The following TMEM132D variants were observed in gnomAD, a reference collection of about 807,000 sequenced individuals.
The protein encoded by TMEM132D is mature OL transmembrane protein.
A neutral mutation model predicts 62.3 loss-of-function variants in TMEM132D; 21 were observed. The ratio of observed to expected loss-of-function variants is 0.34; its 90% CI spans 0.24 to 0.49. The LOEUF (loss-of-function observed/expected upper bound fraction) is 0.49. TMEM132D is among the 20% of genes least tolerant of loss of function. The pLI is 0.99. For synonymous variants in TMEM132D, 621 were observed against 575.6 expected (o/e 1.08, Z -1.13); for missense variants, 1,346 against 1,402.8 (o/e 0.96, Z 0.65).
chr12:129,073,318 C>T lies in TMEM132D; in HGVS notation c.*557G>A, dbSNP rs1422743781. On this transcript the variant is annotated 3_prime_UTR_variant, in exon 9 of 9. Transcript: ENST00000422113. ...TTGGCCTGTCCATGATCTGAGACAG[C>T]TCTGGCCCAGCCTTTGAGAGACAAT... is the stretch of plus-strand genomic sequence containing the variant. 2 of 152,770 alleles carry T rather than the reference C, an allele frequency of 1.3e-5. No homozygotes were observed. The highest frequency in any genetic ancestry group is 4.8e-5 in the African/African-American group (2 of 41,454). The allele number at this position is 152,770 out of a possible 1,614,324, so 9.5% of individuals were successfully genotyped here.
intron 5 of TMEM132D, among the ~76,000 whole-genome samples, chr12:129,182,019 A>G (rs371228213): frequency 6.6e-6 from 1 of 152,154 alleles, no homozygotes; most frequent in East Asian, 1.9e-4. Context: ...CAAGGTGGCT[A>G]CAGGCAAGAG....
intron 3 of TMEM132D, among the ~76,000 whole-genome samples, chr12:129,504,117 C>A (rs1453887235): frequency 1.3e-5 from 2 of 152,096 alleles, no homozygotes; most frequent in African/African-American, 4.8e-5. Context: ...CTGTCACCAT[C>A]ACTGCCAACA....
At chr12:129,558,582 C>G (rs1877126138) in intron 2 of TMEM132D, among the ~76,000 whole-genome samples, 1 of 152,148 alleles carries the variant, frequency 6.6e-6, no homozygotes, top group Non-Finnish European at 1.5e-5. Flanking sequence ...GTCTACCTTC[C>G]AAAACCTCAT....
At position 129,578,391 on chromosome 12, in the gene TMEM132D, C is replaced by T. The variant is rs376318770; in HGVS notation, c.969-47186G>A. 1.5e-4 allele frequency among the ~76,000 whole-genome samples: 19 copies of T among 126,810 alleles called. 1 individual carries two copies. Among genetic ancestry groups the T allele is most frequent in the Admixed American group, 8.4e-4 (10 of 11,870 alleles). The allele number at this position is 126,810 out of a possible 152,430, so 83.2% of individuals were successfully genotyped here. On this transcript the variant is annotated intron_variant, in intron 2 of 8. Transcript: ENST00000422113. ...TGATTGGTTCTGTTTTTCTGGAGAA[C>T]GCTGAGTAATACAATTATGTGTGTG... is the stretch of plus-strand genomic sequence containing the variant.
intron 1 of TMEM132D, among the ~76,000 whole-genome samples, chr12:129,816,722 G>T (rs559379119): frequency 6.6e-6 from 1 of 152,116 alleles, no homozygotes; most frequent in Admixed American, 6.5e-5. Context: ...CGTGTGTCAC[G>T]GACTTATTGT....
intron 3 of TMEM132D, among the ~76,000 whole-genome samples, chr12:129,527,710 G>C (rs547625715): frequency 5.3e-5 from 8 of 152,282 alleles, no homozygotes; most frequent in Non-Finnish European, 1.2e-4. Flanking sequence ...GTTAACATAG[G>C]AGTATACTGA....
intron 2 of TMEM132D, among the ~76,000 whole-genome samples, chr12:129,587,867 G>A (rs905301690): frequency 1.3e-5 from 2 of 152,104 alleles, no homozygotes; most frequent in African/African-American, 4.8e-5. Context: ...AAAATCGCAC[G>A]CATGGTGCCT....
chr12:129,129,570 T>G (rs1335076231), intron 5 of TMEM132D, among the ~76,000 whole-genome samples: 3 of 152,210 alleles, frequency 2.0e-5, no homozygotes, highest in East Asian at 3.8e-4. Context: ...CTCCATACTG[T>G]TTTCCACAGT....
chr12:129,835,112 A>G (rs1450043971), intron 1 of TMEM132D, among the ~76,000 whole-genome samples: 2 of 152,180 alleles, frequency 1.3e-5, no homozygotes, highest in African/African-American at 4.8e-5. Context: ...GAGGCTCAAT[A>G]GCAAAGGCAT....
intron 3 of TMEM132D, among the ~76,000 whole-genome samples, chr12:129,338,845 G>A (rs868583903): frequency 5.9e-5 from 9 of 152,116 alleles, no homozygotes; most frequent in South Asian, 2.1e-4. Context: ...CAAGTTTACC[G>A]GTAAGAAGCT....
At chr12:129,424,666 CCACTACA>C (rs1707960199) in intron 3 of TMEM132D, among the ~76,000 whole-genome samples, 1 of 139,432 alleles carries the variant, frequency 7.2e-6, no homozygotes, top group South Asian at 2.3e-4. Flanking sequence ...TGAGATCACG[CCACTACA>C]CTCCAGCCTG....
intron 3 of TMEM132D, among the ~76,000 whole-genome samples, chr12:129,410,384 G>T (rs1871932554): frequency 6.6e-6 from 1 of 152,106 alleles, no homozygotes; most frequent in Non-Finnish European, 1.5e-5. Flanking sequence ...TTTTCAGATG[G>T]AGTCTCACTC....
At chr12:129,155,140 T>A (rs1275965093) in intron 5 of TMEM132D, among the ~76,000 whole-genome samples, 1 of 152,210 alleles carries the variant, frequency 6.6e-6, no homozygotes, top group Admixed American at 6.5e-5. Context: ...AATGCACAGA[T>A]GCCAGTAATT....
chr12:129,274,179 T>A (rs1283098803), intron 4 of TMEM132D, among the ~76,000 whole-genome samples: 1 of 151,840 alleles, frequency 6.6e-6, no homozygotes. Flanking sequence ...TGGGAGAGTC[T>A]CTGTTCCCCC....
chr12:129,609,709 C>G (rs140711079), intron 2 of TMEM132D, among the ~76,000 whole-genome samples: 1 of 152,040 alleles, frequency 6.6e-6, no homozygotes, highest in Admixed American at 6.5e-5. Context: ...ACGAAGAGGT[C>G]GGGCCCCTCT....
At chr12:129,175,192 G>T (rs1440461360) in intron 5 of TMEM132D, among the ~76,000 whole-genome samples, 1 of 140,740 alleles carries the variant, frequency 7.1e-6, no homozygotes, top group African/African-American at 2.6e-5. Flanking sequence ...TTCTTCTAGG[G>T]TTTTTATGGT....
chr12:129,503,605 A>T (rs1187979591), intron 3 of TMEM132D, among the ~76,000 whole-genome samples: 1 of 152,178 alleles, frequency 6.6e-6, no homozygotes, highest in Non-Finnish European at 1.5e-5. Flanking sequence ...TGCAAATCAC[A>T]GCACCATAAT....
chr12:129,653,528 G>A lies in TMEM132D; in HGVS notation c.968+46282C>T, dbSNP rs142115754. On this transcript the variant is annotated intron_variant, in intron 2 of 8. Coordinates refer to ENST00000422113, the MANE Select transcript of TMEM132D (RefSeq NM_133448.3). ...GCAGGAAATCTGGATAAGATAATTC[G>A]TATCAGAGAAACCAGCAGCGACTTC... Among the ~76,000 whole-genome samples the A allele has an allele frequency of 2.8e-3, 419 of 152,268 alleles. 2 individuals are homozygous for A. The highest frequency in any genetic ancestry group is 9.4e-3 in the African/African-American group (389 of 41,544).
intron 4 of TMEM132D, among the ~76,000 whole-genome samples, chr12:129,325,863 AGCTACAG>A (rs1868891514): frequency 3.3e-5 from 5 of 152,236 alleles, no homozygotes; most frequent in African/African-American, 1.2e-4. Context: ...GGTCATTGCC[AGCTACAG>A]AGCAAACAAG....
Sources: allele counts gnomAD v4.1 joint callset (sites outside exome capture counted in the v4.1 genomes callset), GRCh38; gene constraint gnomAD v4.1.1; transcripts MANE v1.5; gene names NCBI Gene and HGNC (gene_info 2026-07-23, HGNC 2026-07-21).